Variants in ABCA1 observed in about 807,000 individuals in gnomAD.
The protein encoded by ABCA1 is ATP binding cassette subfamily A member 1.
In ABCA1, 133 loss-of-function variants were observed where a neutral mutation model predicts 262.5. That is an observed-to-expected ratio of 0.51 (90% confidence interval 0.44 to 0.59). ABCA1 has a LOEUF of 0.59. ABCA1 is among the 20% of genes least tolerant of loss of function. ABCA1 has a pLI of 0.00. For synonymous variants in ABCA1, 1,022 were observed against 1,043.5 expected (o/e 0.98, Z 0.40); for missense variants, 2,452 against 2,777.5 (o/e 0.88, Z 2.63).
chr9:104,797,126 G>A (rs1302224305), intron 37 of ABCA1, among the ~76,000 whole-genome samples: 2 of 152,230 alleles, frequency 1.3e-5, no homozygotes, highest in Admixed American at 6.5e-5. Context: ...GCAAATTTCA[G>A]GAGCTCTAAA....
Position 104,794,489 on chromosome 9 carries a change from T to C in ABCA1, c.5404A>G (p.Ile1802Val). The change falls in exon 40 of 50, where the codon ATC becomes GTC. Residue 1802 changes from isoleucine (I) to valine (V), a missense_variant. This residue lies in a region of ABCA1 where 752 missense variants were observed against 944.5 expected (regional missense o/e 0.80). Transcript: ENST00000374736. ...TDNKLNNIND[I>V]LKSVFLIFPH... ...AAGATCAAGAACACGGACTTCAGGA[T>C]ATCATTGATATTATTCAGCTTCTAA... The C allele has an allele frequency of 1.3e-6, 2 of 1,486,060 alleles. No individual in the cohort carries two copies. The highest frequency in any genetic ancestry group is 1.9e-6 in the Non-Finnish European group (2 of 1,079,328). 92.1% of individuals were successfully genotyped at this position (1,486,060 alleles called of 1,614,324 possible).
At chr9:104,819,514 T>C (rs753334657) in intron 22 of ABCA1, 72 bp downstream of exon 22, 22 of 1,605,718 alleles carry the variant, frequency 1.4e-5, no homozygotes, top group Admixed American at 3.3e-5. Context: ...AGCCATGAGA[T>C]ACAGCCACAC....
intron 6 of ABCA1, among the ~76,000 whole-genome samples, chr9:104,858,920 T>G (rs1029776370): frequency 1.3e-5 from 2 of 152,208 alleles, no homozygotes; most frequent in Admixed American, 6.5e-5. Context: ...CAAGTTGCAT[T>G]AACTCAGTAT....
Position 104,832,627 on chromosome 9 carries a change from C to G in ABCA1, c.1456G>C (p.Glu486Gln). Residue 486 changes from glutamate to glutamine, a missense_variant, in exon 12 of 50, where the codon GAA becomes CAA. This residue lies in a region of ABCA1 where 1,032 missense variants were observed against 1,089.7 expected (regional missense o/e 0.95). Coordinates refer to ENST00000374736, the MANE Select transcript of ABCA1 (RefSeq NM_005502.4). ...GCCTGGTTAGTCTCGTTGAAAGCTT[C>G]TCTCCAGGTGTACACAGAACCATTA... ...SSNGSVYTWR[E>Q]AFNETNQAIR... The G allele has an allele frequency of 6.2e-7, 1 of 1,614,168 alleles. No homozygotes were observed. The highest frequency in any genetic ancestry group is 8.5e-7 in the Non-Finnish European group (1 of 1,180,026).
Position 104,818,739 on chromosome 9 carries a change from G to T in ABCA1, c.3386C>A (p.Thr1129Asn). Residue 1129 changes from threonine (T) to asparagine (N), a missense_variant, in exon 23 of 50, where the codon ACC (threonine) becomes AAC (asparagine). Around this residue, in one of 4 missense-constraint regions of ABCA1, gnomAD observed 665 missense variants for 727.3 expected, o/e 0.91. Coordinates refer to ENST00000374736, the MANE Select transcript of ABCA1 (RefSeq NM_005502.4). ...GGATTCCACATCTTTCTTGACCAAGGTCAGGTAGTAGCCTGTTCCCAGCTG... is the reference window on the plus strand; with the variant it reads ...GGATTCCACATCTTTCTTGACCAAGTTCAGGTAGTAGCCTGTTCCCAGCTG... ...KNQLGTGYYL[T>N]LVKKDVESSL... 1 of 1,613,876 alleles carries T rather than the reference G, an allele frequency of 6.2e-7. No homozygotes were observed. The highest frequency in any genetic ancestry group is 8.5e-7 in the Non-Finnish European group (1 of 1,180,038).
chr9:104,785,614 C>T lies in ABCA1; in HGVS notation c.6427G>A (p.Val2143Ile), dbSNP rs1259641466. The change falls in exon 49 of 50, where the codon GTA (valine) becomes ATA (isoleucine). Residue 2143 changes from valine (V) to isoleucine (I), a missense_variant. By Grantham distance (29) the Val-to-Ile change is conservative (BLOSUM62 3). Coordinates refer to ENST00000374736, the MANE Select transcript of ABCA1 (RefSeq NM_005502.4). ...NRFGDGYTIVVRIAGSNPDLK... is the reference protein window; with the variant it reads ...NRFGDGYTIVIRIAGSNPDLK... ...TCCGGGTTGGACCCTGCTATTCGTACAACTATTGTATAACCATCTCCAAAC... is the reference window on the plus strand; with the variant it reads ...TCCGGGTTGGACCCTGCTATTCGTATAACTATTGTATAACCATCTCCAAAC... 3.7e-6 allele frequency: 6 copies of T among 1,613,958 alleles called. No homozygotes were observed. Among genetic ancestry groups the T allele is most frequent in the Non-Finnish European group, 5.1e-6 (6 of 1,180,006 alleles).
chr9:104,883,313 C>CT (rs1403420596), intron 4 of ABCA1, among the ~76,000 whole-genome samples, 156 bp from the exon 5 acceptor site: 6 of 152,130 alleles, frequency 3.9e-5, no homozygotes, highest in Non-Finnish European at 8.8e-5. Flanking sequence ...ACACCCAGCT[C>CT]CATTCATCAC....
chr9:104,808,858 G>C (rs1379515506), intron 30 of ABCA1, among the ~76,000 whole-genome samples: 2 of 152,196 alleles, frequency 1.3e-5, no homozygotes, highest in East Asian at 3.9e-4. Flanking sequence ...GGCCTCATAA[G>C]ATCCTCACCT....
intron 44 of ABCA1, among the ~76,000 whole-genome samples, chr9:104,789,344 T>C (rs561386910): frequency 6.6e-6 from 1 of 152,328 alleles, no homozygotes; most frequent in South Asian, 2.1e-4. Flanking sequence ...AGGAGCTTGG[T>C]ACTAGGAGCA....
chr9:104,842,304 C>G (rs988257668), intron 8 of ABCA1, among the ~76,000 whole-genome samples: 2 of 152,118 alleles, frequency 1.3e-5, no homozygotes, highest in African/African-American at 4.8e-5. Context: ...AGAAAGGGGA[C>G]AGAGAACCAG....
intron 8 of ABCA1, among the ~76,000 whole-genome samples, chr9:104,841,173 C>A (rs12335579): frequency 6.6e-6 from 1 of 152,156 alleles, no homozygotes; most frequent in East Asian, 1.9e-4. Context: ...CAGTGGCTCA[C>A]ACCTGTAATC....
intron 5 of ABCA1, among the ~76,000 whole-genome samples, chr9:104,873,687 A>T (rs902588287): frequency 1.3e-5 from 2 of 152,220 alleles, no homozygotes; most frequent in African/African-American, 2.4e-5. Context: ...TCATGTGTGT[A>T]TCCCCTGCAT....
intron 24 of ABCA1, among the ~76,000 whole-genome samples, chr9:104,816,691 G>C (rs1373193349): frequency 6.6e-6 from 1 of 151,808 alleles, no homozygotes; most frequent in East Asian, 1.9e-4. Context: ...CTCAAAGTCT[G>C]GTGTCTATTG....
At chr9:104,864,944 G>A (rs2119120560) in intron 5 of ABCA1, among the ~76,000 whole-genome samples, 1 of 152,318 alleles carries the variant, frequency 6.6e-6, no homozygotes, top group South Asian at 2.1e-4. Context: ...TAAGAACCCA[G>A]AGACTGATTA....
Position 104,794,466 on chromosome 9 carries a change from G to A in ABCA1, c.5427C>T (p.Ile1809=). 6.7e-7 allele frequency: 1 copy of A among 1,492,654 alleles called. No individual in the cohort carries two copies. The highest frequency in any genetic ancestry group is 9.0e-7 in the Non-Finnish European group (1 of 1,105,488). 92.5% of individuals were successfully genotyped at this position (1,492,654 alleles called of 1,614,324 possible). The change falls in exon 40 of 50, where the codon ATC becomes ATT. Residue 1809 remains isoleucine (I), a synonymous_variant. Transcript: ENST00000374736. The stretch of plus-strand genomic sequence containing the variant: ...CTCGTCCCAGGCAAAAATGTGGGAA[G>A]ATCAAGAACACGGACTTCAGGATAT... ...INDILKSVFL[I]FPHFCLGRGL...
chr9:104,786,226 T>C, intron 48 of ABCA1, 72 bp downstream of exon 48: 1 of 1,270,276 alleles, frequency 7.9e-7, no homozygotes, highest in Non-Finnish European at 1.1e-6. Context: ...GAGGCACCAT[T>C]TATATACTCA....
chr9:104,903,759 G>C lies in ABCA1; in HGVS notation c.-80C>G. ...CCAGAGCTCACAGCAGGGACGCCGTGGCTGGTCATTAACTGAAAGATAAAG... is the reference window on the plus strand; with the variant it reads ...CCAGAGCTCACAGCAGGGACGCCGTCGCTGGTCATTAACTGAAAGATAAAG... On this transcript the variant is annotated 5_prime_UTR_variant, in exon 2 of 50. Coordinates refer to ENST00000374736, the MANE Select transcript of ABCA1 (RefSeq NM_005502.4). 1 of 1,310,522 alleles carries C rather than the reference G, an allele frequency of 7.6e-7. No homozygotes were observed. Among genetic ancestry groups the C allele is most frequent in the East Asian group, 2.5e-5 (1 of 39,684 alleles). 81.2% of individuals were successfully genotyped at this position (1,310,522 alleles called of 1,614,324 possible). A position where few individuals can be genotyped will look rare whatever the true frequency, so the allele number is the denominator to read the frequency against.
intron 5 of ABCA1, among the ~76,000 whole-genome samples, chr9:104,874,131 T>C (rs1458787045): frequency 3.9e-5 from 6 of 152,210 alleles, no homozygotes; most frequent in African/African-American, 1.4e-4. Context: ...ACTGAGTCCT[T>C]AGTACTATCA....
Position 104,845,354 on chromosome 9 carries a change from T to G in ABCA1, c.813+123A>C, listed in dbSNP as rs1056099904. 14 of 735,386 alleles carry G rather than the reference T, an allele frequency of 1.9e-5. No homozygotes were observed. In the East Asian group the frequency reaches 2.4e-4, roughly 13 times the overall value. 45.6% of individuals were successfully genotyped at this position (735,386 alleles called of 1,614,324 possible). On this transcript the variant is annotated intron_variant, in intron 8 of 49. Transcript: ENST00000374736. ...ACATTATTGTTTACATCACTTATAC[T>G]TTGAAAATTGATATTACATCCCATG... is the stretch of plus-strand genomic sequence containing the variant.
Sources: allele counts gnomAD v4.1 joint callset (sites outside exome capture counted in the v4.1 genomes callset), GRCh38; gene constraint gnomAD v4.1.1; regional missense constraint gnomAD v4.1.1; transcripts MANE v1.5; gene names NCBI Gene and HGNC (gene_info 2026-07-23, HGNC 2026-07-21).